The following SCAPER variants were observed in gnomAD, a reference collection of about 807,000 sequenced individuals.
SCAPER encodes S-phase cyclin A associated protein in the ER, also known as S phase cyclin A-associated protein in the endoplasmic reticulum.
Under a neutral mutation model 182.2 loss-of-function variants are expected in SCAPER, and 98 were observed. That is an observed-to-expected ratio of 0.54 (90% CI 0.46 to 0.64). The LOEUF (loss-of-function observed/expected upper bound fraction) is 0.64. Ranked by LOEUF, SCAPER falls within the 30% of genes least tolerant of loss-of-function variation. SCAPER has a pLI of 0.00. For missense variants in SCAPER, 1,432 were observed against 1,690.0 expected, an observed-to-expected ratio of 0.85 and a Z score of 2.68; for synonymous variants, 605 against 564.6, an observed-to-expected ratio of 1.07 and a Z score of -1.01.
intron 25 of SCAPER, among the ~76,000 whole-genome samples, chr15:76,440,670 C>T (rs1467979329): frequency 1.3e-5 from 2 of 152,136 alleles, no homozygotes; most frequent in East Asian, 3.9e-4. Flanking sequence ...CAGCAGCAGA[C>T]ACAAGTTCTT....
intron 23 of SCAPER, among the ~76,000 whole-genome samples, chr15:76,562,148 C>CAAA (rs66722088): frequency 0.18 from 13,182 of 73,168 alleles, 1,307 homozygotes; most frequent in South Asian, 0.3. Context: ...AACTTCATCT[C>CAAA]AAAAAAAAAA....
chr15:76,848,352 A>C (rs1360782901), intron 4 of SCAPER, among the ~76,000 whole-genome samples: 1 of 129,210 alleles, frequency 7.7e-6, no homozygotes, highest in Non-Finnish European at 1.6e-5. Flanking sequence ...TTTTTGACAC[A>C]GAGTCTCGCT....
At chr15:76,756,737 A>C (rs1568029167) in intron 14 of SCAPER, among the ~76,000 whole-genome samples, 1 of 152,222 alleles carries the variant, frequency 6.6e-6, no homozygotes, top group Non-Finnish European at 1.5e-5. Flanking sequence ...ACTGTATATT[A>C]AACAACATCC....
chr15:76,895,720 C>A (rs1358477620), intron 1 of SCAPER, among the ~76,000 whole-genome samples: 1 of 152,028 alleles, frequency 6.6e-6, no homozygotes, highest in Non-Finnish European at 1.5e-5. Context: ...TATACACTAA[C>A]AATGAACCAT....
chr15:76,890,430 TAAA>T (rs1158816300), intron 1 of SCAPER, among the ~76,000 whole-genome samples: 6 of 151,440 alleles, frequency 4.0e-5, no homozygotes, highest in South Asian at 4.2e-4. Flanking sequence ...GGAAGACTAA[TAAA>T]GAAGAAAAGA....
At chr15:76,621,650 G>A (rs2052069916) in intron 22 of SCAPER, 114 bp downstream of exon 22, 1 of 877,714 alleles carries the variant, frequency 1.1e-6, no homozygotes, top group Non-Finnish European at 1.8e-6. Flanking sequence ...AGAGAATGCT[G>A]TTCTAGAAAT....
intron 24 of SCAPER, among the ~76,000 whole-genome samples, chr15:76,499,025 T>A (rs925493260): frequency 1.3e-5 from 2 of 152,174 alleles, no homozygotes; most frequent in African/African-American, 4.8e-5. Context: ...CCTATTAGTT[T>A]AAAATGGGGC....
intron 27 of SCAPER, among the ~76,000 whole-genome samples, chr15:76,384,199 T>G (rs1213105181): frequency 2.6e-5 from 4 of 152,238 alleles, no homozygotes. Flanking sequence ...AGCTAATTTC[T>G]AATAGGTTTT....
At chr15:76,760,624 A>G (rs1411213697) in intron 14 of SCAPER, among the ~76,000 whole-genome samples, 1 of 152,198 alleles carries the variant, frequency 6.6e-6, no homozygotes, top group Non-Finnish European at 1.5e-5. Context: ...GAGGCTATTC[A>G]GGACACTACC....
At chr15:76,699,990 G>C (rs1438842143) in intron 20 of SCAPER, among the ~76,000 whole-genome samples, 1 of 152,214 alleles carries the variant, frequency 6.6e-6, no homozygotes, top group Non-Finnish European at 1.5e-5. Context: ...CACGCCAGCA[G>C]GGGCCCATCC....
chr15:76,902,319 AAAC>A (rs1461642414), intron 1 of SCAPER, among the ~76,000 whole-genome samples: 5 of 152,214 alleles, frequency 3.3e-5, no homozygotes, highest in African/African-American at 1.2e-4. Flanking sequence ...TAAAAGTCAC[AAAC>A]AACAGGCACT....
chr15:76,879,179 A>G (rs1568394759), intron 2 of SCAPER, among the ~76,000 whole-genome samples: 1 of 152,166 alleles, frequency 6.6e-6, no homozygotes, highest in African/African-American at 2.4e-5. Flanking sequence ...CTCCATCCTA[A>G]TTCAGGACAT....
chr15:76,798,484 G>GA (rs970589169), intron 7 of SCAPER, among the ~76,000 whole-genome samples: 19 of 148,206 alleles, frequency 1.3e-4, no homozygotes, highest in South Asian at 4.3e-4. Flanking sequence ...GAAAGGGGCA[G>GA]AAAAAAAAAC....
In SCAPER at chr15:76,748,452, A is replaced by C. The variant is rs2061923111; in HGVS notation, c.1866+5356T>G. On this transcript the variant is annotated intron_variant, in intron 15 of 31. Transcript: ENST00000563290. ...AAATCTTCATGATCTTGGATTTGAT[A>C]ATTATTTCTTAGCACCAAAAACTAA... 2.0e-5 allele frequency among the ~76,000 whole-genome samples: 3 copies of C among 152,208 alleles called. No individual in the cohort carries two copies. The East Asian group carries it at 5.8e-4, about 29-fold the overall frequency.
chr15:76,758,628 G>C (rs777515306), intron 14 of SCAPER, among the ~76,000 whole-genome samples: 2 of 152,072 alleles, frequency 1.3e-5, no homozygotes, highest in South Asian at 2.1e-4. Flanking sequence ...AAAAACAAAT[G>C]GTTGGGATTT....
intron 23 of SCAPER, among the ~76,000 whole-genome samples, chr15:76,533,269 T>A (rs1241512890): frequency 6.6e-6 from 1 of 152,188 alleles, no homozygotes; most frequent in East Asian, 1.9e-4. Flanking sequence ...TACATACACT[T>A]CATGTGCCAC....
chr15:76,407,834 C>T (rs946275486), intron 26 of SCAPER, among the ~76,000 whole-genome samples: 1 of 152,130 alleles, frequency 6.6e-6, no homozygotes, highest in Non-Finnish European at 1.5e-5. Context: ...AATACCCATG[C>T]ATTCATCACA....
intron 21 of SCAPER, among the ~76,000 whole-genome samples, chr15:76,653,164 G>A (rs915125790): frequency 6.6e-6 from 1 of 151,984 alleles, no homozygotes; most frequent in Non-Finnish European, 1.5e-5. Context: ...GACCAAGGAG[G>A]AGAAAGACTT....
intron 21 of SCAPER, among the ~76,000 whole-genome samples, chr15:76,663,777 G>T (rs1304425540): frequency 1.3e-5 from 2 of 152,080 alleles, no homozygotes; most frequent in Non-Finnish European, 2.9e-5. Flanking sequence ...CTTGATAGGG[G>T]TATGGATTGT....
Sources: gnomAD v4.1 joint callset for allele counts (sites outside exome capture counted in the v4.1 genomes callset) on GRCh38, gnomAD v4.1.1 for gene constraint, MANE v1.5 for transcripts, NCBI Gene and HGNC (gene_info 2026-07-23, HGNC 2026-07-21) for gene names.